The following ADAM23 variants were observed in gnomAD, a reference collection of about 807,000 sequenced individuals.
The protein encoded by ADAM23 is disintegrin and metalloproteinase domain-containing protein 23.
In ADAM23, 33 loss-of-function variants were observed where a neutral mutation model predicts 120.1. That is an observed-to-expected ratio of 0.27 (90% CI 0.21 to 0.37). The LOEUF is 0.37. Ranked by LOEUF, ADAM23 falls within the 10% of genes least tolerant of loss-of-function variation. The pLI, the probability that ADAM23 is intolerant of heterozygous loss-of-function variation, is 1.00. For synonymous variants in ADAM23, 367 were observed against 375.2 expected (o/e 0.98, Z 0.25); for missense variants, 862 against 1,058.2 (o/e 0.81, Z 2.57).
At chr2:206,610,057 A>T in intron 25 of ADAM23, 57 bp downstream of exon 25, 1 of 1,431,420 alleles carries the variant, frequency 7.0e-7, no homozygotes, top group Non-Finnish European at 9.2e-7. Flanking sequence ...TTTTCTGCTT[A>T]CATAACCAAG....
intron 4 of ADAM23, among the ~76,000 whole-genome samples, chr2:206,539,610 C>G (rs1439227843): frequency 1.3e-5 from 2 of 152,182 alleles, no homozygotes; most frequent in Non-Finnish European, 2.9e-5. Flanking sequence ...ATGGCCAGAT[C>G]CCTGGGTGGA....
chr2:206,580,167 G>C (rs555818495), intron 18 of ADAM23, among the ~76,000 whole-genome samples: 1 of 152,252 alleles, frequency 6.6e-6, no homozygotes, highest in Admixed American at 6.5e-5. Context: ...AGCAAACAGT[G>C]ACAGTCTGAC....
chr2:206,457,701 C>T (rs2105856071), intron 2 of ADAM23, among the ~76,000 whole-genome samples: 1 of 152,160 alleles, frequency 6.6e-6, no homozygotes, highest in African/African-American at 2.4e-5. Context: ...AGCAGTTTTT[C>T]CTTCTTTCTT....
rs1443644484 is a variant in ADAM23 at position 206,617,721 on chromosome 2, A to G, written c.*94A>G. 6.4e-7 allele frequency: 1 copy of G among 1,563,388 alleles called. No individual in the cohort carries two copies. Among genetic ancestry groups the G allele is most frequent in the African/African-American group, 1.4e-5 (1 of 73,720 alleles). On this transcript the variant is annotated 3_prime_UTR_variant, in exon 26 of 26. Coordinates refer to ENST00000264377, the MANE Select transcript of ADAM23 (RefSeq NM_003812.4). ...TACTGGAACTATTAAGTTTGTAAAC[A>G]AAACCTTTGGGTGGTAATGACTACG...
At chr2:206,611,656 A>T (rs1211797594) in intron 25 of ADAM23, among the ~76,000 whole-genome samples, 1 of 152,214 alleles carries the variant, frequency 6.6e-6, no homozygotes, top group African/African-American at 2.4e-5. Flanking sequence ...GCCATATGCA[A>T]TGCCAAATTT....
At chr2:206,446,248 T>C (rs1269245805) in intron 2 of ADAM23, among the ~76,000 whole-genome samples, 2 of 152,230 alleles carry the variant, frequency 1.3e-5, no homozygotes, top group Non-Finnish European at 2.9e-5. Flanking sequence ...ATGTTTAATA[T>C]CCAAAGAGTT....
Position 206,546,764 on chromosome 2 carries a change from T to C in ADAM23, c.721-665T>C, listed in dbSNP as rs1411310237. ...TGTAAAATAGGGATAAACCATGCACTATATGGCGTCTTTGTCAGGACTAAA... is the reference window on the plus strand; with the variant it reads ...TGTAAAATAGGGATAAACCATGCACCATATGGCGTCTTTGTCAGGACTAAA... On this transcript the variant is annotated intron_variant, in intron 6 of 25. Transcript: ENST00000264377. Among the ~76,000 whole-genome samples, 4 of 152,184 alleles carry C rather than the reference T, an allele frequency of 2.6e-5. No homozygotes were observed. The East Asian group carries it at 7.7e-4, about 29-fold the overall frequency.
intron 11 of ADAM23, 113 bp downstream of exon 11, chr2:206,560,231 G>C: frequency 3.0e-5 from 34 of 1,150,138 alleles, no homozygotes; most frequent in Non-Finnish European, 4.1e-5. Flanking sequence ...CAAGATTTCT[G>C]TGGGTTCCTT....
intron 3 of ADAM23, among the ~76,000 whole-genome samples, chr2:206,525,831 C>T (rs1486430906): frequency 6.6e-6 from 1 of 152,016 alleles, no homozygotes; most frequent in Non-Finnish European, 1.5e-5. Context: ...ACCCTGTGAT[C>T]CGCCTGCCTC....
In ADAM23 at chr2:206,559,232, C is replaced by G. The variant is rs1697710198; in HGVS notation, c.1006-723C>G. Among the ~76,000 whole-genome samples, 4 of 152,208 alleles carry G rather than the reference C, an allele frequency of 2.6e-5. No individual in the cohort carries two copies. The South Asian group carries it at 8.3e-4, about 32-fold the overall frequency. On this transcript the variant is annotated intron_variant, in intron 10 of 25. Transcript: ENST00000264377. ...GTGCTGGGATTACAGGCGTGAGCTA[C>G]CGCGCCTGGCCCATTGTTTTCTTAA...
At chr2:206,546,875 A>T (rs1216554536) in intron 6 of ADAM23, among the ~76,000 whole-genome samples, 2 of 152,188 alleles carry the variant, frequency 1.3e-5, no homozygotes, top group African/African-American at 4.8e-5. Context: ...ATGGTAATAG[A>T]CATTCCTAAA....
intron 2 of ADAM23, among the ~76,000 whole-genome samples, chr2:206,465,278 C>T (rs1052352768): frequency 1.3e-5 from 2 of 152,118 alleles, no homozygotes; most frequent in African/African-American, 4.8e-5. Context: ...TGCCTTAATT[C>T]ATCCTCTGGC....
chr2:206,467,069 A>G (rs549889283), intron 2 of ADAM23, among the ~76,000 whole-genome samples: 2 of 150,940 alleles, frequency 1.3e-5, no homozygotes, highest in African/African-American at 5.0e-5. Flanking sequence ...ATCACCTCCC[A>G]ACAGTCCACA....
At chr2:206,455,733 T>C (rs1326584514) in intron 2 of ADAM23, among the ~76,000 whole-genome samples, 1 of 152,202 alleles carries the variant, frequency 6.6e-6, no homozygotes, top group East Asian at 1.9e-4. Flanking sequence ...AATTTCAGTG[T>C]TCCACAGATC....
chr2:206,570,070 T>C (rs1697965761), intron 15 of ADAM23, among the ~76,000 whole-genome samples: 2 of 152,230 alleles, frequency 1.3e-5, no homozygotes, highest in Admixed American at 1.3e-4. Context: ...AGTTGCTCTA[T>C]AATATAGTTT....
chr2:206,599,817 T>C (rs568169183), intron 24 of ADAM23, among the ~76,000 whole-genome samples: 13 of 152,266 alleles, frequency 8.5e-5, no homozygotes, highest in African/African-American at 3.1e-4. Context: ...TGCCGACGAG[T>C]AATAGGTAAT....
chr2:206,516,847 A>G (rs375991629), intron 3 of ADAM23, among the ~76,000 whole-genome samples: 7 of 151,980 alleles, frequency 4.6e-5, no homozygotes, highest in Non-Finnish European at 5.9e-5. Context: ...CTGGCACCCA[A>G]CCTACCCTTG....
chr2:206,445,349 T>A lies in ADAM23; in HGVS notation c.257T>A (p.Leu86Gln). 6.2e-7 allele frequency: 1 copy of A among 1,614,080 alleles called. No individual in the cohort carries two copies. Among genetic ancestry groups the A allele is most frequent in the Non-Finnish European group, 8.5e-7 (1 of 1,179,982 alleles). Residue 86 changes from leucine (L) to glutamine (Q), a missense_variant, in exon 2 of 26, where the codon CTG (leucine) becomes CAG (glutamine). Physicochemically the swap from Leu to Gln is moderately radical, Grantham distance 113. Transcript: ENST00000264377. ...NETAEKNLGV[L>Q]ADEDNTLQQN... Reference sequence around the variant, plus strand: ...ACTGCAGAAAAAAATTTGGGAGTCCTGGCAGATGAAGACAATACATTGCAA... The same window carrying A: ...ACTGCAGAAAAAAATTTGGGAGTCCAGGCAGATGAAGACAATACATTGCAA...
chr2:206,447,666 TCTG>T (rs1695109813), intron 2 of ADAM23, among the ~76,000 whole-genome samples: 1 of 152,262 alleles, frequency 6.6e-6, no homozygotes, highest in Non-Finnish European at 1.5e-5. Context: ...ACTTGCCAGT[TCTG>T]CTGCTTTAGA....
Sources: gnomAD v4.1 joint callset for allele counts (sites outside exome capture counted in the v4.1 genomes callset) on GRCh38, gnomAD v4.1.1 for gene constraint, MANE v1.5 for transcripts, NCBI Gene and HGNC (gene_info 2026-07-23, HGNC 2026-07-21) for gene names.